The following LEKR1 variants were observed in gnomAD, a reference collection of about 807,000 sequenced individuals.
LEKR1 encodes the protein protein LEKR1.
Under a neutral mutation model 72.4 loss-of-function variants are expected in LEKR1, and 59 were observed. That is an observed-to-expected ratio of 0.82 (90% CI 0.66 to 1.01). The LOEUF (loss-of-function observed/expected upper bound fraction) is 1.01. Among genes scored for constraint, LEKR1 ranks in the 50% least tolerant of loss-of-function variants. LEKR1 has a pLI of 0.00. For synonymous variants in LEKR1, 257 were observed against 263.2 expected (o/e 0.98, Z 0.23); for missense variants, 728 against 759.2 (o/e 0.96, Z 0.48).
chr3:156,837,262 A>T (rs1713271150), intron 2 of LEKR1, among the ~76,000 whole-genome samples: 1 of 152,220 alleles, frequency 6.6e-6, no homozygotes, highest in Non-Finnish European at 1.5e-5. Context: ...AAAAGATGAC[A>T]AGAGCCCTGT....
intron 3 of LEKR1, among the ~76,000 whole-genome samples, chr3:156,898,049 C>G (rs1721382038): frequency 6.6e-6 from 1 of 151,550 alleles, no homozygotes; most frequent in Non-Finnish European, 1.5e-5. Flanking sequence ...GTTTACTATT[C>G]AGATCTTTAA....
chr3:156,828,550 A>G (rs1711950578), intron 1 of LEKR1, among the ~76,000 whole-genome samples: 3 of 151,946 alleles, frequency 2.0e-5, no homozygotes, highest in Admixed American at 6.6e-5. Context: ...GACTTCTTAG[A>G]TATGTATAAA....
chr3:157,008,230 T>G (rs1732618268), intron 9 of LEKR1, among the ~76,000 whole-genome samples: 1 of 152,122 alleles, frequency 6.6e-6, no homozygotes, highest in Non-Finnish European at 1.5e-5. Flanking sequence ...CCTCTATATC[T>G]CCAGGGCTGG....
chr3:157,042,257 G>A (rs1735404959), intron 12 of LEKR1, among the ~76,000 whole-genome samples: 1 of 152,208 alleles, frequency 6.6e-6, no homozygotes, highest in Non-Finnish European at 1.5e-5. Flanking sequence ...GGAACTAATA[G>A]AAGAAAGAGG....
intron 3 of LEKR1, among the ~76,000 whole-genome samples, chr3:156,899,796 A>G (rs927889827): frequency 6.7e-6 from 1 of 148,768 alleles, no homozygotes; most frequent in African/African-American, 2.5e-5. Flanking sequence ...ACATATATAC[A>G]TGTATATATA....
rs909537475 is a variant in LEKR1, at chr3:157,045,865, C to A, written c.*115C>A. The A allele has an allele frequency of 6.5e-6, 6 of 928,262 alleles. No homozygotes were observed. The Admixed American group carries it at 1.1e-4, about 16-fold the overall frequency. 57.5% of individuals were successfully genotyped at this position (928,262 alleles called of 1,614,324 possible). On this transcript the variant is annotated 3_prime_UTR_variant, in exon 13 of 13. Coordinates refer to ENST00000356539, the MANE Select transcript of LEKR1 (RefSeq NM_001004316.3). ...AAATTATTTTCACAGATCAGGAAGG[C>A]ATACCTATAGATGTATTTAACAAAA...
intron 2 of LEKR1, among the ~76,000 whole-genome samples, chr3:156,832,296 C>CCCAAGA: frequency 6.6e-6 from 1 of 152,148 alleles, no homozygotes; most frequent in East Asian, 1.9e-4. Context: ...GGTGAATGAC[C>CCCAAGA]CCAAGAATCA....
intron 3 of LEKR1, 39 bp from the exon 4 acceptor site, chr3:156,920,536 A>G (rs753815120): frequency 7.8e-7 from 1 of 1,285,670 alleles, no homozygotes; most frequent in East Asian, 2.6e-5. Flanking sequence ...AATTGTACAT[A>G]TGAGAGAATA....
intron 6 of LEKR1, among the ~76,000 whole-genome samples, chr3:156,978,198 ATTTGT>A (rs1317995154): frequency 1.3e-5 from 2 of 152,018 alleles, no homozygotes; most frequent in Non-Finnish European, 1.5e-5. Flanking sequence ...TAATTAAAAC[ATTTGT>A]TTAGAGTGAA....
chr3:156,899,997 A>G (rs1406049038), intron 3 of LEKR1, among the ~76,000 whole-genome samples: 1 of 152,142 alleles, frequency 6.6e-6, no homozygotes, highest in Non-Finnish European at 1.5e-5. Flanking sequence ...AATGGGGTTT[A>G]AAAGGATTAC....
At chr3:157,006,504 A>G (rs1293898548) in intron 9 of LEKR1, among the ~76,000 whole-genome samples, 1 of 152,204 alleles carries the variant, frequency 6.6e-6, no homozygotes, top group African/African-American at 2.4e-5. Context: ...ATGCCTATGT[A>G]TTTACCCAAG....
intron 4 of LEKR1, among the ~76,000 whole-genome samples, chr3:156,921,904 A>G (rs1291408998): frequency 6.6e-6 from 1 of 152,196 alleles, no homozygotes; most frequent in African/African-American, 2.4e-5. Flanking sequence ...TTGAAGAAAC[A>G]TAGACATACA....
intron 3 of LEKR1, among the ~76,000 whole-genome samples, chr3:156,893,110 T>C (rs1482054157): frequency 6.6e-6 from 1 of 152,160 alleles, no homozygotes; most frequent in Admixed American, 6.5e-5. Flanking sequence ...GTTCTGTATT[T>C]TGGAGAGTGT....
chr3:157,043,305 C>T (rs539503881), intron 12 of LEKR1, among the ~76,000 whole-genome samples: 2 of 152,278 alleles, frequency 1.3e-5, no homozygotes, highest in South Asian at 2.1e-4. Context: ...GACTAATACA[C>T]CACTTTAATA....
chr3:156,889,187 A>G (rs1720405506), intron 3 of LEKR1, among the ~76,000 whole-genome samples: 1 of 152,024 alleles, frequency 6.6e-6, no homozygotes, highest in African/African-American at 2.4e-5. Flanking sequence ...CTGATGTTAT[A>G]TGCTATTATG....
At chr3:156,872,106 G>C (rs150557243) in intron 3 of LEKR1, among the ~76,000 whole-genome samples, 2 of 151,122 alleles carry the variant, frequency 1.3e-5, no homozygotes, top group African/African-American at 4.9e-5. Context: ...TTTTTTTACA[G>C]ATTTAGTCTC....
intron 3 of LEKR1, among the ~76,000 whole-genome samples, chr3:156,867,058 A>G (rs1488980785): frequency 3.3e-5 from 5 of 152,096 alleles, no homozygotes; most frequent in Non-Finnish European, 7.4e-5. Context: ...ATACATAAAC[A>G]TTTGGGTCAA....
intron 3 of LEKR1, among the ~76,000 whole-genome samples, chr3:156,861,044 T>A (rs553641491): frequency 6.6e-6 from 1 of 152,158 alleles, no homozygotes; most frequent in South Asian, 2.1e-4. Flanking sequence ...TGCAGAGGAG[T>A]CTGAGGCATT....
chr3:156,870,957 T>A (rs60204765), intron 3 of LEKR1, among the ~76,000 whole-genome samples: 11,654 of 151,968 alleles, frequency 0.077, 571 homozygotes, highest in African/African-American at 0.14. Context: ...CATTCTTTTT[T>A]TTATTATTAT....
Sources: gnomAD v4.1 joint callset for allele counts (sites outside exome capture counted in the v4.1 genomes callset) on GRCh38, gnomAD v4.1.1 for gene constraint, MANE v1.5 for transcripts, NCBI Gene and HGNC (gene_info 2026-07-23, HGNC 2026-07-21) for gene names.